Variants in MTRES1 observed in about 807,000 individuals in gnomAD.
The protein encoded by MTRES1 is mitochondrial transcription rescue factor 1.
MTRES1 carries 11 observed loss-of-function variants against 17.4 expected under a neutral mutation model. The ratio of observed to expected loss-of-function variants is 0.63; its 90% CI spans 0.40 to 1.05. The LOEUF (loss-of-function observed/expected upper bound fraction) is 1.05, where lower values mean the gene tolerates loss of function less well. Ranked by LOEUF, MTRES1 falls within the 50% of genes least tolerant of loss-of-function variation. The pLI, the probability that MTRES1 is intolerant of heterozygous loss-of-function variation, is 0.00. For synonymous variants in MTRES1, 94 were observed against 99.6 expected, an observed-to-expected ratio of 0.94 and a Z score of 0.34; for missense variants, 268 against 276.2, an observed-to-expected ratio of 0.97 and a Z score of 0.21.
At chr6:107,031,427 A>G (rs1383144275) in intron 1 of MTRES1, among the ~76,000 whole-genome samples, 1 of 130,456 alleles carries the variant, frequency 7.7e-6, no homozygotes, top group Non-Finnish European at 1.6e-5. Context: ...GGAGAAGAGA[A>G]GGAGGCAGCA....
intron 2 of MTRES1, among the ~76,000 whole-genome samples, chr6:107,042,047 A>C (rs1554227841): frequency 6.6e-6 from 1 of 151,730 alleles, no homozygotes; most frequent in Non-Finnish European, 1.5e-5. Flanking sequence ...AGCTTAAGAG[A>C]TTCATAAAAA....
At chr6:107,031,869 G>A (rs983155262) in intron 1 of MTRES1, among the ~76,000 whole-genome samples, 5 of 152,080 alleles carry the variant, frequency 3.3e-5, no homozygotes, top group African/African-American at 1.2e-4. Context: ...CCAAAGTGCT[G>A]GGATTACAGG....
intron 1 of MTRES1, among the ~76,000 whole-genome samples, chr6:107,032,215 C>T: frequency 6.6e-6 from 1 of 152,160 alleles, no homozygotes; most frequent in East Asian, 1.9e-4. Flanking sequence ...GTAACAGCAT[C>T]CTCTCCTTTA....
At chr6:107,034,919 G>T (rs548254531) in intron 1 of MTRES1, among the ~76,000 whole-genome samples, 1 of 150,590 alleles carries the variant, frequency 6.6e-6, no homozygotes, top group Non-Finnish European at 1.5e-5. Flanking sequence ...CCTGGAAGGC[G>T]GAGGTTGCAG....
chr6:107,034,468 A>AAAAAAG (rs1554226744), intron 1 of MTRES1, among the ~76,000 whole-genome samples: 1 of 151,484 alleles, frequency 6.6e-6, no homozygotes, highest in Admixed American at 6.6e-5. Context: ...AGAAAAAAAA[A>AAAAAAG]AGGAAAATAG....
In MTRES1 at chr6:107,048,024, A is replaced by G. The variant is rs1404182061; in HGVS notation, c.544-3033A>G. 2.6e-5 allele frequency among the ~76,000 whole-genome samples: 4 copies of G among 152,182 alleles called. No individual in the cohort carries two copies. In the East Asian group the frequency reaches 7.7e-4, roughly 29 times the overall value. ...GCTACAGTACACTATGATTATGCCT[A>G]TGAATAGCCACTGCATTCCAGCCTG... On this transcript the variant is annotated intron_variant, in intron 3 of 3. Transcript: ENST00000311381.
At chr6:107,031,883 G>A (rs1163800233) in intron 1 of MTRES1, among the ~76,000 whole-genome samples, 1 of 152,172 alleles carries the variant, frequency 6.6e-6, no homozygotes, top group Non-Finnish European at 1.5e-5. Context: ...TTACAGGCAT[G>A]AGCCACCGTG....
chr6:107,045,479 G>A (rs1338945634), intron 3 of MTRES1, among the ~76,000 whole-genome samples: 10 of 46,032 alleles, frequency 2.2e-4, no homozygotes, highest in South Asian at 1.1e-3. Context: ...GCGAGACTTC[G>A]TCTCAAAAAA....
intron 3 of MTRES1, among the ~76,000 whole-genome samples, chr6:107,050,146 A>G (rs1774545008): frequency 6.6e-6 from 1 of 152,216 alleles, no homozygotes; most frequent in African/African-American, 2.4e-5. Context: ...GAGCTGACAT[A>G]ACTGCCCCAG....
chr6:107,042,428 T>A (rs1469209423), intron 2 of MTRES1, among the ~76,000 whole-genome samples: 4 of 151,822 alleles, frequency 2.6e-5, no homozygotes, highest in African/African-American at 9.7e-5. Context: ...TAGAGAATGT[T>A]CTCTAAACTC....
intron 1 of MTRES1, among the ~76,000 whole-genome samples, chr6:107,038,721 G>A (rs1365963112): frequency 7.9e-5 from 12 of 152,174 alleles, no homozygotes; most frequent in Admixed American, 6.6e-5. Context: ...AGGATGTAAT[G>A]TATGTCAGTC....
intron 1 of MTRES1, among the ~76,000 whole-genome samples, chr6:107,035,131 CT>C (rs372797626): frequency 1.3e-3 from 195 of 149,906 alleles, no homozygotes; most frequent in African/African-American, 4.6e-3. Flanking sequence ...TCAGAGGGTG[CT>C]TTTTTTTTTC....
At position 107,044,470 on chromosome 6, in the gene MTRES1, G is replaced by T. The variant is rs1037423859; in HGVS notation, c.543+138G>T. 7.4e-6 allele frequency: 5 copies of T among 675,798 alleles called. No homozygotes were observed. In the African/African-American group the frequency reaches 9.1e-5, roughly 12 times the overall value. 41.9% of individuals were successfully genotyped at this position (675,798 alleles called of 1,614,324 possible). ...CTTTGTGGTCCTCCACGTCAAGCTG[G>T]TGGGAATCAGCTACAGGCTTCAGAC... On this transcript the variant is annotated intron_variant, in intron 3 of 3. Transcript: ENST00000311381.
At chr6:107,050,907 G>C (rs1774580965) in intron 3 of MTRES1, 150 bp from the exon 4 acceptor site, 1 of 657,482 alleles carries the variant, frequency 1.5e-6, no homozygotes, top group Non-Finnish European at 2.6e-6. Flanking sequence ...TGAGGCACTG[G>C]GATAGGTGAC....
At chr6:107,035,065 C>T (rs1169562880) in intron 1 of MTRES1, among the ~76,000 whole-genome samples, 1 of 152,110 alleles carries the variant, frequency 6.6e-6, no homozygotes, top group Non-Finnish European at 1.5e-5. Flanking sequence ...TCTTAAATTG[C>T]TTCAACTTTT....
chr6:107,048,215 A>G (rs1488792104), intron 3 of MTRES1, among the ~76,000 whole-genome samples: 3 of 151,898 alleles, frequency 2.0e-5, no homozygotes, highest in African/African-American at 7.3e-5. Flanking sequence ...GCTCACTGCA[A>G]CCTCTGCCTC....
At chr6:107,028,894 A>G (rs1191181628) in intron 1 of MTRES1, 1 of 985,196 alleles carries the variant, frequency 1.0e-6, no homozygotes, top group African/African-American at 1.7e-5. Flanking sequence ...CACCAACGCC[A>G]AAGAGATCTT....
chr6:107,029,730 C>T (rs377716231), intron 1 of MTRES1, among the ~76,000 whole-genome samples: 7 of 152,138 alleles, frequency 4.6e-5, no homozygotes, highest in Admixed American at 1.3e-4. Context: ...GTGATCCGCC[C>T]GCCTCAGCCT....
chr6:107,035,762 C>T (rs1247183829), intron 1 of MTRES1, among the ~76,000 whole-genome samples: 1 of 152,110 alleles, frequency 6.6e-6, no homozygotes, highest in East Asian at 1.9e-4. Context: ...GATTCTCCTG[C>T]CTCAGCCTCC....
Sources: gnomAD v4.1 joint callset for allele counts (sites outside exome capture counted in the v4.1 genomes callset) on GRCh38, gnomAD v4.1.1 for gene constraint, MANE v1.5 for transcripts, NCBI Gene and HGNC (gene_info 2026-07-23, HGNC 2026-07-21) for gene names.